Variants in ADRA1B observed in about 807,000 individuals in gnomAD.
ADRA1B encodes the protein adrenoceptor alpha 1B.
In ADRA1B, 17 loss-of-function variants were observed where a neutral mutation model predicts 17.9. That is an observed-to-expected ratio of 0.95 (90% CI 0.65 to 1.42). ADRA1B has a LOEUF of 1.42. ADRA1B is among the 40% of genes most tolerant of loss of function. The pLI is 0.00. For missense variants in ADRA1B, 681 were observed against 722.1 expected (o/e 0.94, Z 0.65); for synonymous variants, 366 against 327.6 (o/e 1.12, Z -1.27).
chr5:159,916,025 C>T (rs1336837806), upstream of ADRA1B: 2 of 152,252 alleles, frequency 1.3e-5, no homozygotes, highest in East Asian at 1.9e-4. Flanking sequence ...TTGCACGGGG[C>T]GAGGGGAGCC....
rs1754313662 is a variant in ADRA1B at position 159,916,620 on chromosome 5, T to TC, written c.-281dup. On this transcript the variant is annotated 5_prime_UTR_variant, in exon 1 of 2. Coordinates refer to ENST00000306675, the MANE Select transcript of ADRA1B (RefSeq NM_000679.4). ...CCTGCCGCCCCCTCCTCCCCGCCGC[T>TC]CCCCCGCGAGCCCGGCCAGGCGCGC... 6.0e-6 allele frequency: 1 copy of TC among 167,306 alleles called. No individual in the cohort carries two copies. Among genetic ancestry groups the TC allele is most frequent in the African/African-American group, 2.5e-5 (1 of 39,604 alleles). 10.4% of individuals were successfully genotyped at this position (167,306 alleles called of 1,614,324 possible). A position where few individuals can be genotyped will look rare whatever the true frequency, so the allele number is the denominator to read the frequency against.
At chr5:159,882,323 C>G (rs1333930470) in intron 1 of ADRA1B, among the ~76,000 whole-genome samples, 1 of 152,158 alleles carries the variant, frequency 6.6e-6, no homozygotes, top group Non-Finnish European at 1.5e-5. Flanking sequence ...TACAGGAATC[C>G]TTCCTGAGTA....
At chr5:159,976,200 A>G (rs982321589), downstream of ADRA1B, among the ~76,000 whole-genome samples, 1 of 152,360 alleles carries the variant, frequency 6.6e-6, no homozygotes, top group Non-Finnish European at 1.5e-5. Flanking sequence ...AACAGTAGCT[A>G]TTAACAGAGG....
At chr5:159,913,993 C>T (rs1258796154), upstream of ADRA1B, among the ~76,000 whole-genome samples, 2 of 152,100 alleles carry the variant, frequency 1.3e-5, no homozygotes, top group Non-Finnish European at 2.9e-5. Flanking sequence ...TCAAGAGAAG[C>T]CCCATTATCT....
At chr5:159,921,074 A>T (rs1432916009) in intron 1 of ADRA1B, among the ~76,000 whole-genome samples, 1 of 152,146 alleles carries the variant, frequency 6.6e-6, no homozygotes, top group Non-Finnish European at 1.5e-5. Context: ...CCCCTACAGG[A>T]TCCTGTTCAG....
At position 159,972,027 on chromosome 5, in the gene ADRA1B, G is replaced by C. The variant is rs771591500; in HGVS notation, c.1098G>C (p.Gln366His). 7.0e-7 allele frequency: 1 copy of C among 1,427,390 alleles called. No individual in the cohort carries two copies. Among genetic ancestry groups the C allele is most frequent in the African/African-American group, 1.5e-5 (1 of 68,016 alleles). The allele number at this position is 1,427,390 out of a possible 1,614,324, so 88.4% of individuals were successfully genotyped here. Reference sequence around the variant, plus strand: ...CTTTCGTGCGCATCCTCGGGTGCCAGTGCCGCGGCCGCGGCCGCCGCCGAC... The same window carrying C: ...CTTTCGTGCGCATCCTCGGGTGCCACTGCCGCGGCCGCGGCCGCCGCCGAC... ...KRAFVRILGC[Q>H]CRGRGRRRRR... Residue 366 changes from glutamine (Q) to histidine (H), a missense_variant, in exon 2 of 2, where the codon CAG (glutamine) becomes CAC (histidine). Coordinates refer to ENST00000306675, the MANE Select transcript of ADRA1B (RefSeq NM_000679.4).
At chr5:159,953,671 T>C (rs1462068343) in intron 1 of ADRA1B, among the ~76,000 whole-genome samples, 2 of 152,186 alleles carry the variant, frequency 1.3e-5, no homozygotes, top group African/African-American at 2.4e-5. Flanking sequence ...GGGCTAATAA[T>C]TATACCCATC....
chr5:159,974,650 AAT>A (rs1272346475), downstream of ADRA1B, among the ~76,000 whole-genome samples: 45 of 152,070 alleles, frequency 3.0e-4, no homozygotes, highest in Admixed American at 9.2e-4. Flanking sequence ...AAAAAAAAAA[AAT>A]CCTAGGAAGC....
chr5:159,981,713 G>T, the ADRA1B span, among the ~76,000 whole-genome samples: 1 of 152,098 alleles, frequency 6.6e-6, no homozygotes, highest in South Asian at 2.1e-4. Context: ...AGCCAGGATG[G>T]TCTCGATCTC....
At chr5:159,934,068 T>C (rs1754883902) in intron 1 of ADRA1B, among the ~76,000 whole-genome samples, 1 of 152,226 alleles carries the variant, frequency 6.6e-6, no homozygotes, top group Non-Finnish European at 1.5e-5. Context: ...GAAAACTCAA[T>C]TGAGCACCAC....
At chr5:159,890,423 AC>A (rs2113102471) in intron 1 of ADRA1B, among the ~76,000 whole-genome samples, 1 of 152,328 alleles carries the variant, frequency 6.6e-6, no homozygotes, top group South Asian at 2.1e-4. Flanking sequence ...GAGGCTTAAA[AC>A]AACAATAGTC....
intron 1 of ADRA1B, among the ~76,000 whole-genome samples, chr5:159,961,003 C>G (rs868697364): frequency 1.4e-4 from 22 of 152,262 alleles, no homozygotes; most frequent in African/African-American, 5.1e-4. Context: ...TAGACCTAAG[C>G]AATTGTAATC....
chr5:159,875,810 G>A (rs986367102), intron 1 of ADRA1B, among the ~76,000 whole-genome samples: 4 of 152,240 alleles, frequency 2.6e-5, no homozygotes, highest in African/African-American at 9.6e-5. Context: ...AAGAAAAAGG[G>A]AGGGTCAACT....
the ADRA1B span, among the ~76,000 whole-genome samples, chr5:159,984,664 G>T: frequency 6.6e-6 from 1 of 151,848 alleles, no homozygotes; most frequent in Non-Finnish European, 1.5e-5. Context: ...TTGAGAGGCC[G>T]AGGTGGGTGG....
At chr5:159,924,174 C>T (rs1389230526) in intron 1 of ADRA1B, among the ~76,000 whole-genome samples, 1 of 152,204 alleles carries the variant, frequency 6.6e-6, no homozygotes, top group Admixed American at 6.5e-5. Flanking sequence ...AAATGTATTT[C>T]ATGTAAATGA....
At chr5:159,945,661 G>A (rs1755248356) in intron 1 of ADRA1B, among the ~76,000 whole-genome samples, 1 of 152,116 alleles carries the variant, frequency 6.6e-6, no homozygotes, top group African/African-American at 2.4e-5. Context: ...AGAAAGGTTA[G>A]CATTTTCTCT....
At chr5:159,880,200 A>G (rs1210748490) in intron 1 of ADRA1B, among the ~76,000 whole-genome samples, 1 of 152,190 alleles carries the variant, frequency 6.6e-6, no homozygotes, top group African/African-American at 2.4e-5. Context: ...TTCATAGACT[A>G]CAATTGCTTA....
chr5:159,927,746 A>G (rs1754702297), intron 1 of ADRA1B, among the ~76,000 whole-genome samples: 1 of 152,104 alleles, frequency 6.6e-6, no homozygotes, highest in East Asian at 1.9e-4. Context: ...AAAACCTGGA[A>G]TAAGGGTGTT....
chr5:159,883,262 A>G (rs1753883309), intron 1 of ADRA1B, among the ~76,000 whole-genome samples: 1 of 152,138 alleles, frequency 6.6e-6, no homozygotes, highest in African/African-American at 2.4e-5. Flanking sequence ...CTGTGTTCTC[A>G]ATGTCTTGCA....
Sources: gnomAD v4.1 joint callset for allele counts (sites outside exome capture counted in the v4.1 genomes callset) on GRCh38, gnomAD v4.1.1 for gene constraint, MANE v1.5 for transcripts, NCBI Gene and HGNC (gene_info 2026-07-23, HGNC 2026-07-21) for gene names.